The following CDH18 variants were observed in gnomAD, a reference collection of about 807,000 sequenced individuals.
CDH18 encodes the protein cadherin 18.
A neutral mutation model predicts 67.9 loss-of-function variants in CDH18; 31 were observed. That is an observed-to-expected ratio of 0.46 (90% CI 0.34 to 0.62). The LOEUF (loss-of-function observed/expected upper bound fraction) is 0.62. CDH18 is among the 20% of genes least tolerant of loss of function. The probability of loss-of-function intolerance (pLI) is 0.01; values close to 1 mark genes in which losing one functional copy is unlikely to be tolerated. For missense variants in CDH18, 890 were observed against 975.5 expected, an observed-to-expected ratio of 0.91 and a Z score of 1.17; for synonymous variants, 362 against 347.2, an observed-to-expected ratio of 1.04 and a Z score of -0.48.
At chr5:19,732,120 T>A (rs1047654435) in intron 4 of CDH18, among the ~76,000 whole-genome samples, 1 of 151,552 alleles carries the variant, frequency 6.6e-6, no homozygotes, top group Non-Finnish European at 1.5e-5. Flanking sequence ...AATGCATTTT[T>A]TAAAACTATG....
At chr5:20,413,053 C>T (rs957623222) in intron 1 of CDH18, among the ~76,000 whole-genome samples, 7 of 152,200 alleles carry the variant, frequency 4.6e-5, no homozygotes, top group Non-Finnish European at 1.0e-4. Flanking sequence ...TGAGTAAGAA[C>T]GCGCAGCGTT....
At chr5:19,689,432 A>T (rs1761552261) in intron 5 of CDH18, among the ~76,000 whole-genome samples, 1 of 151,982 alleles carries the variant, frequency 6.6e-6, no homozygotes. Flanking sequence ...TACACAGCAA[A>T]GTTTTGCTAT....
intron 1 of CDH18, among the ~76,000 whole-genome samples, chr5:20,347,344 A>G (rs2150051967): frequency 6.6e-6 from 1 of 152,190 alleles, no homozygotes; most frequent in Non-Finnish European, 1.5e-5. Flanking sequence ...CACACAAACA[A>G]TGTCCCCTCA....
At chr5:19,520,812 C>T in intron 9 of CDH18, 34 bp from the exon 10 acceptor site, 2 of 1,609,222 alleles carry the variant, frequency 1.2e-6, no homozygotes, top group Non-Finnish European at 1.7e-6. Flanking sequence ...TTAGTATTTC[C>T]ATGCACACTT....
At chr5:20,222,431 G>A (rs1044759899) in intron 2 of CDH18, among the ~76,000 whole-genome samples, 1 of 152,072 alleles carries the variant, frequency 6.6e-6, no homozygotes, top group Non-Finnish European at 1.5e-5. Context: ...AGCCATAAAT[G>A]TTGTATATGG....
At chr5:20,092,304 G>A (rs1030288084) in intron 2 of CDH18, among the ~76,000 whole-genome samples, 2 of 152,042 alleles carry the variant, frequency 1.3e-5, no homozygotes, top group Non-Finnish European at 2.9e-5. Flanking sequence ...ATAAAATTCT[G>A]TTTCCCATGG....
intron 1 of CDH18, among the ~76,000 whole-genome samples, chr5:20,284,497 T>A (rs1746531131): frequency 6.6e-6 from 1 of 152,020 alleles, no homozygotes; most frequent in African/African-American, 2.4e-5. Context: ...ATAATCCACT[T>A]GTGAGTTATT....
intron 1 of CDH18, among the ~76,000 whole-genome samples, chr5:20,435,573 C>G (rs979594394): frequency 1.3e-5 from 2 of 151,826 alleles, no homozygotes; most frequent in African/African-American, 4.8e-5. Context: ...CAAGTTAAAA[C>G]CACTGTCTGG....
chr5:20,210,388 G>A, intron 2 of CDH18, among the ~76,000 whole-genome samples: 1 of 151,918 alleles, frequency 6.6e-6, no homozygotes, highest in East Asian at 1.9e-4. Flanking sequence ...TATTTCATCT[G>A]AGGTTTTTAT....
chr5:19,727,413 C>T (rs967257975), intron 4 of CDH18, among the ~76,000 whole-genome samples: 2 of 152,082 alleles, frequency 1.3e-5, no homozygotes, highest in Non-Finnish European at 1.5e-5. Flanking sequence ...AATATCAGGG[C>T]GATGTGGCTA....
chr5:20,012,163 G>A (rs1316987041), intron 2 of CDH18, among the ~76,000 whole-genome samples: 1 of 151,626 alleles, frequency 6.6e-6, no homozygotes, highest in Non-Finnish European at 1.5e-5. Flanking sequence ...GTTCAGTCTT[G>A]GGAGGGTGTA....
intron 1 of CDH18, among the ~76,000 whole-genome samples, chr5:19,984,604 A>G (rs778407472): frequency 6.6e-5 from 10 of 152,232 alleles, no homozygotes; most frequent in Non-Finnish European, 1.3e-4. Flanking sequence ...CAGACAAATC[A>G]TCAAAGACAC....
At chr5:20,208,714 G>A (rs950287362) in intron 2 of CDH18, among the ~76,000 whole-genome samples, 1 of 151,892 alleles carries the variant, frequency 6.6e-6, no homozygotes, top group African/African-American at 2.4e-5. Flanking sequence ...ATGAAAAGTA[G>A]ACAAATGGGA....
chr5:20,401,292 T>C (rs1466422753), intron 1 of CDH18, among the ~76,000 whole-genome samples: 3 of 152,230 alleles, frequency 2.0e-5, no homozygotes, highest in Non-Finnish European at 2.9e-5. Context: ...GTGCATATCA[T>C]GTATGTATTA....
chr5:20,546,810 A>G (rs2126607727), intron 1 of CDH18, among the ~76,000 whole-genome samples: 1 of 152,174 alleles, frequency 6.6e-6, no homozygotes, highest in African/African-American at 2.4e-5. Flanking sequence ...GAGATTTGCC[A>G]CAGGCCTTTC....
intron 2 of CDH18, among the ~76,000 whole-genome samples, chr5:19,933,204 G>A (rs1388476232): frequency 6.6e-6 from 1 of 151,440 alleles, no homozygotes; most frequent in Admixed American, 6.6e-5. Flanking sequence ...ACAACCATAA[G>A]TGAAATTTTT....
At chr5:19,779,704 G>T (rs1407671158) in intron 3 of CDH18, among the ~76,000 whole-genome samples, 2 of 152,122 alleles carry the variant, frequency 1.3e-5, no homozygotes, top group Non-Finnish European at 2.9e-5. Context: ...TTTGGTCATG[G>T]TTATACACAG....
intron 3 of CDH18, among the ~76,000 whole-genome samples, chr5:19,835,833 T>G (rs555828019): frequency 6.6e-6 from 1 of 152,242 alleles, no homozygotes; most frequent in East Asian, 1.9e-4. Flanking sequence ...TTTATACCTG[T>G]GCATTTGTCC....
chr5:20,218,233 A>G (rs896549700), intron 2 of CDH18, among the ~76,000 whole-genome samples: 1 of 152,002 alleles, frequency 6.6e-6, no homozygotes, highest in Non-Finnish European at 1.5e-5. Context: ...TCCTAGGCAC[A>G]TGGATGACAC....
Sources: gnomAD v4.1 joint callset for allele counts (sites outside exome capture counted in the v4.1 genomes callset) on GRCh38, gnomAD v4.1.1 for gene constraint, MANE v1.5 for transcripts, NCBI Gene and HGNC (gene_info 2026-07-23, HGNC 2026-07-21) for gene names.